Variants in ERG observed in about 807,000 individuals in gnomAD.
The protein encoded by ERG is ETS transcription factor ERG, also known as transcriptional regulator ERG.
Under a neutral mutation model 55.3 loss-of-function variants are expected in ERG, and 9 were observed. The observed-to-expected ratio is 0.16, with a 90% CI of 0.10 to 0.28. ERG has a LOEUF of 0.28. Ranked by LOEUF, ERG falls within the 10% of genes least tolerant of loss-of-function variation. The pLI is 1.00. For missense variants in ERG, 434 were observed against 631.6 expected (o/e 0.69, Z 3.35); for synonymous variants, 223 against 237.3 (o/e 0.94, Z 0.55).
chr21:38,502,859 T>C (rs2059431384), upstream of ERG, among the ~76,000 whole-genome samples: 1 of 144,096 alleles, frequency 6.9e-6, no homozygotes, highest in Non-Finnish European at 1.5e-5. Context: ...CCTGAGTAGC[T>C]GGGACTACAG....
chr21:38,621,345 C>T (rs1469505904), intron 1 of ERG, among the ~76,000 whole-genome samples: 1 of 152,178 alleles, frequency 6.6e-6, no homozygotes. Context: ...TGGGCTTGGC[C>T]AGGTGTCTTG....
chr21:38,542,859 T>A (rs1454951984), intron 2 of ERG, among the ~76,000 whole-genome samples: 4 of 152,244 alleles, frequency 2.6e-5, no homozygotes. Context: ...GTGGTTGCTA[T>A]CAAATTTACT....
At chr21:38,573,850 C>CCCT (rs2059978579) in intron 2 of ERG, among the ~76,000 whole-genome samples, 1 of 152,142 alleles carries the variant, frequency 6.6e-6, no homozygotes, top group Non-Finnish European at 1.5e-5. Context: ...ACTAGAAATA[C>CCCT]CCACAGTTGT....
chr21:38,529,545 C>T (rs1458985023), intron 2 of ERG, among the ~76,000 whole-genome samples: 2 of 152,100 alleles, frequency 1.3e-5, no homozygotes, highest in African/African-American at 2.4e-5. Context: ...AAGGAGTAGC[C>T]TTGGGGAGCA....
intron 1 of ERG, among the ~76,000 whole-genome samples, chr21:38,482,945 T>C (rs1231314482): frequency 3.9e-5 from 6 of 152,204 alleles, no homozygotes; most frequent in Non-Finnish European, 2.9e-5. Context: ...CACAAAGTGT[T>C]GGGATTACAA....
intron 1 of ERG, among the ~76,000 whole-genome samples, chr21:38,624,599 G>A (rs1259307402): frequency 3.9e-5 from 6 of 152,160 alleles, no homozygotes; most frequent in Non-Finnish European, 5.9e-5. Flanking sequence ...CGTTCACAGC[G>A]TAGGGCTGGG....
chr21:38,382,525 C>T lies in ERG; in HGVS notation c.*878G>A, dbSNP rs565315730. The T allele has an allele frequency of 8.1e-5, 86 of 1,065,470 alleles. No homozygotes were observed. In the South Asian group the frequency reaches 1.9e-3, roughly 23 times the overall value. The allele number at this position is 1,065,470 out of a possible 1,614,324, so 66.0% of individuals were successfully genotyped here. On this transcript the variant is annotated 3_prime_UTR_variant, in exon 10 of 10. Transcript: ENST00000288319. The stretch of plus-strand genomic sequence containing the variant: ...TCTACTACTTCCCCTTTCTCCATTA[C>T]GCTGTGTCCTTTCTCCTAACACTGG...
intron 1 of ERG, among the ~76,000 whole-genome samples, chr21:38,465,850 T>C (rs1201463090): frequency 6.6e-6 from 1 of 152,190 alleles, no homozygotes; most frequent in Non-Finnish European, 1.5e-5. Flanking sequence ...TATCTCATCC[T>C]CCTTGATCCC....
At chr21:38,551,045 A>T (rs1404392207) in intron 2 of ERG, among the ~76,000 whole-genome samples, 1 of 152,222 alleles carries the variant, frequency 6.6e-6, no homozygotes, top group African/African-American at 2.4e-5. Flanking sequence ...AGGAAAAATA[A>T]CTATTTCTTT....
upstream of ERG, among the ~76,000 whole-genome samples, chr21:38,500,898 C>T (rs2059415749): frequency 6.6e-6 from 1 of 152,116 alleles, no homozygotes; most frequent in African/African-American, 2.4e-5. Flanking sequence ...GGAAACTCCT[C>T]CTCATTTCTA....
intron 2 of ERG, among the ~76,000 whole-genome samples, chr21:38,527,527 G>C (rs1232391114): frequency 6.6e-6 from 1 of 152,290 alleles, no homozygotes; most frequent in East Asian, 1.9e-4. Context: ...AGTTTTGACC[G>C]CAGCTGATGA....
chr21:38,632,557 G>A (rs1568962450), intron 1 of ERG, among the ~76,000 whole-genome samples: 1 of 152,168 alleles, frequency 6.6e-6, no homozygotes, highest in Non-Finnish European at 1.5e-5. Flanking sequence ...TCTCGTGATA[G>A]TGAATAAGTC....
chr21:38,405,138 A>T (rs1988704218), intron 3 of ERG, among the ~76,000 whole-genome samples: 1 of 152,228 alleles, frequency 6.6e-6, no homozygotes, highest in African/African-American at 2.4e-5. Context: ...AGTGGTTAGA[A>T]GTAACCACTA....
chr21:38,409,557 C>T (rs1988945277), intron 3 of ERG, among the ~76,000 whole-genome samples: 1 of 150,342 alleles, frequency 6.7e-6, no homozygotes, highest in African/African-American at 2.5e-5. Context: ...GAGGTAGCAC[C>T]AACCAGGAAA....
chr21:38,484,914 A>G (rs897780459), intron 1 of ERG, among the ~76,000 whole-genome samples: 3 of 152,156 alleles, frequency 2.0e-5, no homozygotes, highest in African/African-American at 7.2e-5. Flanking sequence ...AGTACATAAT[A>G]GTTGATAATG....
At chr21:38,557,548 T>A (rs1333233822) in intron 2 of ERG, among the ~76,000 whole-genome samples, 2 of 152,088 alleles carry the variant, frequency 1.3e-5, no homozygotes, top group Non-Finnish European at 2.9e-5. Flanking sequence ...ATCAAACATA[T>A]ATTAGCTTGA....
At chr21:38,400,531 G>A in intron 6 of ERG, 43 bp downstream of exon 6, 5 of 1,456,016 alleles carry the variant, frequency 3.4e-6, no homozygotes, top group Non-Finnish European at 4.8e-6. Context: ...AGGACATCTG[G>A]GATGTCTCTC....
At chr21:38,427,633 C>T (rs1369458565) in intron 2 of ERG, among the ~76,000 whole-genome samples, 4 of 152,112 alleles carry the variant, frequency 2.6e-5, no homozygotes, top group African/African-American at 4.8e-5. Flanking sequence ...AATGACTCCA[C>T]AAAGTAAAGG....
intron 1 of ERG, among the ~76,000 whole-genome samples, chr21:38,464,337 T>A (rs2059069806): frequency 6.6e-6 from 1 of 152,176 alleles, no homozygotes; most frequent in African/African-American, 2.4e-5. Flanking sequence ...CCATCCGTAG[T>A]CCCAAAGGCT....
Sources: gnomAD v4.1 joint callset for allele counts (sites outside exome capture counted in the v4.1 genomes callset) on GRCh38, gnomAD v4.1.1 for gene constraint, MANE v1.5 for transcripts, NCBI Gene and HGNC (gene_info 2026-07-23, HGNC 2026-07-21) for gene names.